Variants in TK2 observed in about 807,000 individuals in gnomAD.
The protein encoded by TK2 is thymidine kinase 2, mitochondrial.
TK2 carries 35 observed loss-of-function variants against 41.9 expected under a neutral mutation model. The ratio of observed to expected loss-of-function variants is 0.84; its 90% CI spans 0.64 to 1.11. TK2 has a LOEUF of 1.11. Among genes scored for constraint, TK2 ranks in the 50% least tolerant of loss-of-function variants. The pLI, the probability that TK2 is intolerant of heterozygous loss-of-function variation, is 0.00. For missense variants in TK2, 320 were observed against 351.1 expected (o/e 0.91, Z 0.71); for synonymous variants, 128 against 129.1 (o/e 0.99, Z 0.06).
chr16:66,528,899 G>C, intron 6 of TK2, 95 bp downstream of exon 6: 1 of 1,160,542 alleles, frequency 8.6e-7, no homozygotes, highest in Non-Finnish European at 1.3e-6. Context: ...ATACAACAGC[G>C]GGTACTCCAT....
chr16:66,540,038 AG>A (rs915611976), intron 3 of TK2, among the ~76,000 whole-genome samples: 1 of 152,232 alleles, frequency 6.6e-6, no homozygotes, highest in African/African-American at 2.4e-5. Flanking sequence ...GCATTTCTAA[AG>A]GGCAGCAGTC....
At chr16:66,529,160 A>C in intron 5 of TK2, 93 bp from the exon 6 acceptor site, 2 of 1,196,544 alleles carry the variant, frequency 1.7e-6, no homozygotes, top group Non-Finnish European at 2.5e-6. Flanking sequence ...CTGCCTGGGG[A>C]CTTTGCTGAA....
At chr16:66,516,657 T>A (rs1019747169) in intron 8 of TK2, among the ~76,000 whole-genome samples, 1 of 152,112 alleles carries the variant, frequency 6.6e-6, no homozygotes, top group Admixed American at 6.6e-5. Context: ...CAGAAGGGCA[T>A]GGCATCTCTC....
intron 9 of TK2, among the ~76,000 whole-genome samples, chr16:66,513,439 T>G (rs754507637): frequency 8.5e-5 from 13 of 152,084 alleles, no homozygotes; most frequent in Non-Finnish European, 1.5e-4. Context: ...TCCCAAATGG[T>G]GAAAACTGAG....
At chr16:66,526,760 A>G (rs1964944329) in intron 6 of TK2, among the ~76,000 whole-genome samples, 1 of 152,176 alleles carries the variant, frequency 6.6e-6, no homozygotes, top group Admixed American at 6.5e-5. Context: ...TCAAAAATAA[A>G]AAAAGCAACA....
At chr16:66,549,655 G>A (rs1253025863) in intron 1 of TK2, 6 of 1,207,844 alleles carry the variant, frequency 5.0e-6, no homozygotes, top group Non-Finnish European at 6.2e-6. Context: ...GACAGGAAAT[G>A]GGTCGGGGGA....
chr16:66,530,885 C>T (rs1255011396), intron 5 of TK2, among the ~76,000 whole-genome samples: 1 of 152,006 alleles, frequency 6.6e-6, no homozygotes, highest in Non-Finnish European at 1.5e-5. Context: ...CCACGCCAGA[C>T]TAATTTTTGT....
intron 8 of TK2, 26 bp from the exon 9 acceptor site, chr16:66,513,837 T>A: frequency 7.5e-6 from 12 of 1,610,570 alleles, no homozygotes; most frequent in Non-Finnish European, 1.0e-5. Flanking sequence ...AAGCAGTCTG[T>A]CGGGAGTGGA....
chr16:66,522,712 C>G (rs1434671737), intron 6 of TK2, among the ~76,000 whole-genome samples: 1 of 152,038 alleles, frequency 6.6e-6, no homozygotes, highest in Admixed American at 6.6e-5. Flanking sequence ...ACTAAAAATA[C>G]AAAATTAGCC....
intron 3 of TK2, among the ~76,000 whole-genome samples, chr16:66,539,792 C>G (rs77453556): frequency 6.6e-6 from 1 of 152,018 alleles, no homozygotes; most frequent in Non-Finnish European, 1.5e-5. Context: ...GTCTAGCAGG[C>G]AAGCTGGCCT....
At chr16:66,539,308 A>AGCAAAGGGGACCGG (rs543524776) in intron 3 of TK2, among the ~76,000 whole-genome samples, 157 of 152,280 alleles carry the variant, frequency 1.0e-3, no homozygotes, top group African/African-American at 3.7e-3. Flanking sequence ...AAACAAGATC[A>AGCAAAGGGGACCGG]GCAAAGGGGA....
chr16:66,522,215 G>A (rs1964801598), intron 6 of TK2, among the ~76,000 whole-genome samples: 1 of 152,142 alleles, frequency 6.6e-6, no homozygotes, highest in Non-Finnish European at 1.5e-5. Context: ...CTCCAGGAAG[G>A]CCACAGCTCT....
At position 66,548,990 on chromosome 16, in the gene TK2, C is replaced by A; in HGVS notation, c.144G>T (p.Glu48Asp). The change falls in exon 2 of 10, where the codon GAG becomes GAT. Residue 48 changes from glutamate to aspartate, a missense_variant. Glu to Asp is a conservative substitution (Grantham distance 45). Transcript: ENST00000544898. ...AAGAGGGACTTACCACTGATTTTTTCTCTTTTTCCTGTTCTTTATCTACAA... is the reference window on the plus strand; with the variant it reads ...AAGAGGGACTTACCACTGATTTTTTATCTTTTTCCTGTTCTTTATCTACAA... ...AWPPDKEQEK[E>D]KKSVICVEGN... The A allele has an allele frequency of 6.2e-7, 1 of 1,613,606 alleles. No individual in the cohort carries two copies. Among genetic ancestry groups the A allele is most frequent in the Non-Finnish European group, 8.5e-7 (1 of 1,179,628 alleles).
At chr16:66,545,632 T>C (rs552604285) in intron 2 of TK2, among the ~76,000 whole-genome samples, 1 of 152,282 alleles carries the variant, frequency 6.6e-6, no homozygotes, top group South Asian at 2.1e-4. Flanking sequence ...GAGACCAGCC[T>C]GGCTAACGTG....
At chr16:66,515,599 G>A (rs1039499234) in intron 8 of TK2, among the ~76,000 whole-genome samples, 4 of 152,220 alleles carry the variant, frequency 2.6e-5, no homozygotes, top group African/African-American at 9.6e-5. Context: ...CTCTCCCTTG[G>A]CAATAGGAGC....
At chr16:66,540,767 C>T (rs1369240077) in intron 3 of TK2, among the ~76,000 whole-genome samples, 8 of 152,222 alleles carry the variant, frequency 5.3e-5, no homozygotes, top group Non-Finnish European at 1.2e-4. Context: ...TCAGATGTCA[C>T]ACTTCTAGCC....
At position 66,510,201 on chromosome 16, in the gene TK2, T is replaced by C. The variant is rs1360105603; in HGVS notation, c.*1767A>G. ...GTGGTCTCAGGACCTCTTGAGATTG[T>C]GCCTTAGGCAAAAAAAAAAAAAAAA... On this transcript the variant is annotated 3_prime_UTR_variant, in exon 10 of 10. Coordinates refer to ENST00000544898, the MANE Select transcript of TK2 (RefSeq NM_004614.5). 1 of 131,958 alleles carries C rather than the reference T, an allele frequency of 7.6e-6. No individual in the cohort carries two copies. 8.2% of individuals were successfully genotyped at this position (131,958 alleles called of 1,614,324 possible).
chr16:66,528,677 A>G (rs529949781), intron 6 of TK2, among the ~76,000 whole-genome samples: 2 of 152,316 alleles, frequency 1.3e-5, no homozygotes, highest in South Asian at 4.1e-4. Context: ...GGAGAGTGAC[A>G]GGCAAGAGGA....
At position 66,517,636 on chromosome 16, in the gene TK2, T is replaced by A. The variant is rs1964653847; in HGVS notation, c.538+153A>T. ...GAGACCAGAAGTCCCGAATTCTGTCTGCCCTCAGGGAGAAAGCTGAACTCC... is the reference window on the plus strand; with the variant it reads ...GAGACCAGAAGTCCCGAATTCTGTCAGCCCTCAGGGAGAAAGCTGAACTCC... On this transcript the variant is annotated intron_variant, in intron 7 of 9. Coordinates refer to ENST00000544898, the MANE Select transcript of TK2 (RefSeq NM_004614.5). This position sits in a 1 kb window ranked among gnomAD's most constrained non-coding sequence, Gnocchi z 4.3. 6.6e-6 allele frequency among the ~76,000 whole-genome samples: 1 copy of A among 152,196 alleles called. No homozygotes were observed. Among genetic ancestry groups the A allele is most frequent in the Admixed American group, 6.5e-5 (1 of 15,276 alleles).
Sources: gnomAD v4.1 joint callset for allele counts (sites outside exome capture counted in the v4.1 genomes callset) on GRCh38, gnomAD v4.1.1 for gene constraint, Gnocchi (gnomAD v3.1) non-coding constraint, MANE v1.5 for transcripts, NCBI Gene and HGNC (gene_info 2026-07-23, HGNC 2026-07-21) for gene names.